The following SMCHD1 variants were observed in gnomAD, a reference collection of about 807,000 sequenced individuals.
The protein encoded by SMCHD1 is structural maintenance of chromosomes flexible hinge domain-containing protein 1.
SMCHD1 carries 78 observed loss-of-function variants against 254.7 expected under a neutral mutation model. The ratio of observed to expected loss-of-function variants is 0.31; its 90% CI spans 0.26 to 0.37. The LOEUF is 0.37. Among genes scored for constraint, SMCHD1 ranks in the 10% least tolerant of loss-of-function variants. The pLI is 1.00. For synonymous variants in SMCHD1, 766 were observed against 794.9 expected, an observed-to-expected ratio of 0.96 and a Z score of 0.61; for missense variants, 1,840 against 2,408.1, an observed-to-expected ratio of 0.76 and a Z score of 4.94.
Position 2,671,349 on chromosome 18 carries a change from T to C in SMCHD1, c.425-1932T>C, listed in dbSNP as rs1285204951. ...TATGTTTCATATTGATCAGTTTTCA[T>C]CATGCCATCATTATGAAATGATATG... is the stretch of plus-strand genomic sequence containing the variant. On this transcript the variant is annotated intron_variant, in intron 3 of 47. Transcript: ENST00000320876. 2.6e-5 allele frequency among the ~76,000 whole-genome samples: 4 copies of C among 152,292 alleles called. No homozygotes were observed. In the East Asian group the frequency reaches 7.7e-4, roughly 29 times the overall value.
chr18:2,700,141 AT>A (rs1476911032), intron 10 of SMCHD1, among the ~76,000 whole-genome samples: 1 of 152,198 alleles, frequency 6.6e-6, no homozygotes, highest in African/African-American at 2.4e-5. Context: ...GATGTCATAG[AT>A]TTCTCAGATG....
At chr18:2,685,261 G>A (rs1246562858) in intron 5 of SMCHD1, among the ~76,000 whole-genome samples, 2 of 151,526 alleles carry the variant, frequency 1.3e-5, no homozygotes, top group African/African-American at 2.4e-5. Context: ...CACCACGCCC[G>A]GCTAATTTTT....
intron 22 of SMCHD1, among the ~76,000 whole-genome samples, chr18:2,727,847 C>G (rs1023449536): frequency 6.6e-6 from 1 of 151,988 alleles, no homozygotes. Context: ...AAGTAATTCT[C>G]TCCATATACT....
At chr18:2,727,317 C>T (rs2075045424) in intron 22 of SMCHD1, among the ~76,000 whole-genome samples, 1 of 152,072 alleles carries the variant, frequency 6.6e-6, no homozygotes. Flanking sequence ...GACCTTTTTA[C>T]TGGTTTTAAG....
At chr18:2,796,607 G>T (rs2076268848) in intron 47 of SMCHD1, 86 bp downstream of exon 47, 1 of 891,762 alleles carries the variant, frequency 1.1e-6, no homozygotes, top group Non-Finnish European at 1.8e-6. Context: ...TTGAGATGAA[G>T]TCTTGCTCTG....
At chr18:2,761,758 C>T (rs2075789674) in intron 35 of SMCHD1, among the ~76,000 whole-genome samples, 1 of 152,156 alleles carries the variant, frequency 6.6e-6, no homozygotes, top group Non-Finnish European at 1.5e-5. Context: ...GCGGAGGTTG[C>T]AGTGAGCAGA....
chr18:2,707,753 A>G (rs1207752317), intron 16 of SMCHD1, 54 bp from the exon 17 acceptor site: 3 of 1,519,006 alleles, frequency 2.0e-6, no homozygotes, highest in Non-Finnish European at 2.7e-6. Context: ...AAGATTTGGC[A>G]GATTCAGCAA....
At position 2,763,723 on chromosome 18, in the gene SMCHD1, C is replaced by T; in HGVS notation, c.4653C>T (p.Thr1551=). The change falls in exon 37 of 48, where the codon ACC becomes ACT. Residue 1551 remains threonine (T), a synonymous_variant. Coordinates refer to ENST00000320876, the MANE Select transcript of SMCHD1 (RefSeq NM_015295.3). ...GCTCTAATGAGGAAGATACTGATAC[C>T]CCACTTTTTATTGGGAAAGTTAGAA... ...IKGSNEEDTD[T]PLFIGKVRTL... is the part of the protein sequence containing the mutation. 2 of 1,609,258 alleles carry T rather than the reference C, an allele frequency of 1.2e-6. No homozygotes were observed. Among genetic ancestry groups the T allele is most frequent in the Non-Finnish European group, 1.7e-6 (2 of 1,177,692 alleles).
At chr18:2,726,423 GT>G in intron 21 of SMCHD1, 28 bp from the exon 22 acceptor site, 1 of 1,294,646 alleles carries the variant, frequency 7.7e-7, no homozygotes, top group South Asian at 1.4e-5. Context: ...TCAGGACTGG[GT>G]TTAATTTTTA....
At chr18:2,671,664 C>T (rs1299829835) in intron 3 of SMCHD1, among the ~76,000 whole-genome samples, 4 of 138,684 alleles carry the variant, frequency 2.9e-5, no homozygotes, top group South Asian at 2.3e-4. Flanking sequence ...GGCACTATTT[C>T]GGCTCACTGC....
chr18:2,682,445 C>T (rs1277148866), intron 5 of SMCHD1, among the ~76,000 whole-genome samples: 1 of 152,028 alleles, frequency 6.6e-6, no homozygotes, highest in African/African-American at 2.4e-5. Context: ...GCCTCAGCCA[C>T]CCAAGTAGCT....
chr18:2,791,116 A>G (rs752402939), intron 45 of SMCHD1, among the ~76,000 whole-genome samples: 3 of 152,244 alleles, frequency 2.0e-5, no homozygotes, highest in Non-Finnish European at 2.9e-5. Flanking sequence ...GTTAGAAGAT[A>G]TAATGGGAGA....
rs371949748 is a variant in SMCHD1, at chr18:2,796,037, G to A, written c.5808G>A (p.Pro1936=). Residue 1936 remains proline, a synonymous_variant, in exon 46 of 48, where the codon CCG becomes CCA. Coordinates refer to ENST00000320876, the MANE Select transcript of SMCHD1 (RefSeq NM_015295.3). The part of the protein sequence containing the change: ...LNSQLEYLRT[P]DMRKKKQELD... ...GTCAATTAGAGTACCTTCGCACTCCGGATATGAGGAAGAAAAAGCAAGAAC... is the reference window on the plus strand; with the variant it reads ...GTCAATTAGAGTACCTTCGCACTCCAGATATGAGGAAGAAAAAGCAAGAAC... 1.1e-5 allele frequency: 17 copies of A among 1,587,256 alleles called. No homozygotes were observed. Among genetic ancestry groups the A allele is most frequent in the Admixed American group, 1.8e-5 (1 of 55,040 alleles).
At chr18:2,767,733 G>T (rs1379774068) in intron 37 of SMCHD1, among the ~76,000 whole-genome samples, 2 of 151,688 alleles carry the variant, frequency 1.3e-5, no homozygotes, top group Non-Finnish European at 2.9e-5. Context: ...GGGACTACAG[G>T]CGCGTGCCCA....
chr18:2,770,910 CCACA>C, intron 39 of SMCHD1, among the ~76,000 whole-genome samples: 1 of 152,288 alleles, frequency 6.6e-6, no homozygotes, highest in East Asian at 1.9e-4. Flanking sequence ...GTGTTAGCCA[CCACA>C]CCCAGCCTAC....
chr18:2,733,317 A>G (rs758178094), intron 25 of SMCHD1, among the ~76,000 whole-genome samples: 1 of 152,248 alleles, frequency 6.6e-6, no homozygotes, highest in Non-Finnish European at 1.5e-5. Context: ...GTAACCCGTT[A>G]AGAGAACCTA....
intron 20 of SMCHD1, among the ~76,000 whole-genome samples, chr18:2,723,027 A>ATGT (rs1355559400): frequency 1.3e-5 from 2 of 152,050 alleles, no homozygotes; most frequent in African/African-American, 4.8e-5. Flanking sequence ...TAGTTATTGG[A>ATGT]TGTTGGACCT....
intron 15 of SMCHD1, among the ~76,000 whole-genome samples, chr18:2,707,087 C>G (rs1203091379): frequency 6.7e-6 from 1 of 150,372 alleles, no homozygotes; most frequent in Non-Finnish European, 1.5e-5. Context: ...CCCACCAGGT[C>G]CCTCCCTTGA....
chr18:2,804,321 G>A lies in SMCHD1; in HGVS notation c.*1769G>A, dbSNP rs1046200124. 3 of 152,106 alleles carry A rather than the reference G, an allele frequency of 2.0e-5. No homozygotes were observed. Among genetic ancestry groups the A allele is most frequent in the Admixed American group, 6.5e-5 (1 of 15,268 alleles). The allele number at this position is 152,106 out of a possible 1,614,324, so 9.4% of individuals were successfully genotyped here. On this transcript the variant is annotated 3_prime_UTR_variant, in exon 48 of 48. Transcript: ENST00000320876. The stretch of plus-strand genomic sequence containing the variant: ...AAACATGTCTTTTTTTCCCTTGAGC[G>A]ACAGTGGCCTCACTACATTGCCCAG...
Sources: gnomAD v4.1 joint callset for allele counts (sites outside exome capture counted in the v4.1 genomes callset) on GRCh38, gnomAD v4.1.1 for gene constraint, MANE v1.5 for transcripts, NCBI Gene and HGNC (gene_info 2026-07-23, HGNC 2026-07-21) for gene names.